Variants in C4BPA observed in about 807,000 individuals in gnomAD.
The protein encoded by C4BPA is C4b-binding protein alpha chain.
C4BPA carries 31 observed loss-of-function variants against 63.7 expected under a neutral mutation model. That is an observed-to-expected ratio of 0.49 (90% CI 0.37 to 0.66). C4BPA has a LOEUF of 0.66. C4BPA is among the 30% of genes least tolerant of loss of function. The pLI, the probability that C4BPA is intolerant of heterozygous loss-of-function variation, is 0.00. For synonymous variants in C4BPA, 259 were observed against 254.7 expected (o/e 1.02, Z -0.16); for missense variants, 572 against 723.3 (o/e 0.79, Z 2.40).
intron 8 of C4BPA, 87 bp downstream of exon 8, chr1:207,131,827 C>T (rs1685167556): frequency 2.2e-6 from 2 of 891,164 alleles, no homozygotes; most frequent in Non-Finnish European, 3.4e-6. Flanking sequence ...AATTTTATCC[C>T]TCACAACAAG....
intron 1 of C4BPA, among the ~76,000 whole-genome samples, chr1:207,106,880 C>A (rs191011937): frequency 3.3e-5 from 5 of 152,122 alleles, no homozygotes; most frequent in African/African-American, 1.2e-4. Context: ...TGATAATCTG[C>A]GTGATAAAAC....
intron 7 of C4BPA, among the ~76,000 whole-genome samples, chr1:207,129,345 G>A (rs1685113426): frequency 6.8e-6 from 1 of 147,504 alleles, no homozygotes; most frequent in Non-Finnish European, 1.5e-5. Flanking sequence ...CCAGAAAGAT[G>A]AGAGAAAGAG....
intron 4 of C4BPA, among the ~76,000 whole-genome samples, chr1:207,120,378 G>A (rs1255486332): frequency 2.6e-5 from 4 of 152,152 alleles, no homozygotes; most frequent in Admixed American, 6.6e-5. Context: ...ATTTAACTAG[G>A]CACCCTGTAT....
chr1:207,133,154 A>T (rs1328155487), intron 8 of C4BPA, among the ~76,000 whole-genome samples: 2 of 152,228 alleles, frequency 1.3e-5, no homozygotes, highest in Non-Finnish European at 2.9e-5. Context: ...GTGAATTTAG[A>T]CTCATGACTT....
chr1:207,114,864 A>C (rs1353737111), intron 3 of C4BPA: 1 of 153,388 alleles, frequency 6.5e-6, no homozygotes, highest in Non-Finnish European at 1.4e-5. Flanking sequence ...TTTCATTATG[A>C]TCTATTGAAA....
At chr1:207,123,414 GT>G (rs1019445291) in intron 4 of C4BPA, among the ~76,000 whole-genome samples, 4 of 151,976 alleles carry the variant, frequency 2.6e-5, no homozygotes, top group African/African-American at 9.7e-5. Context: ...CATATCTTTT[GT>G]TTTTTTCTGT....
Position 207,106,480 on chromosome 1 carries a change from C to A in C4BPA, c.-26+2050C>A, listed in dbSNP as rs576101495. 2.1e-5 allele frequency among the ~76,000 whole-genome samples: 3 copies of A among 141,162 alleles called. No homozygotes were observed. In the East Asian group the frequency reaches 5.9e-4, roughly 28 times the overall value. The allele number at this position is 141,162 out of a possible 152,430, so 92.6% of individuals were successfully genotyped here. ...TTTGAAACGGAGTCTCGCTTTGTTGCCCAGACTGGAGTGCGGTGGTGCAAT... is the reference window on the plus strand; with the variant it reads ...TTTGAAACGGAGTCTCGCTTTGTTGACCAGACTGGAGTGCGGTGGTGCAAT... On this transcript the variant is annotated intron_variant, in intron 1 of 11. Transcript: ENST00000367070.
intron 8 of C4BPA, among the ~76,000 whole-genome samples, chr1:207,132,159 A>G (rs1235117772): frequency 6.6e-6 from 1 of 152,156 alleles, no homozygotes; most frequent in Non-Finnish European, 1.5e-5. Context: ...CTGCAGGGTG[A>G]CTTGTGTCTC....
Position 207,113,110 on chromosome 1 carries a change from T to C in C4BPA, c.85T>C (p.Ser29Pro). 1.2e-6 allele frequency: 2 copies of C among 1,611,224 alleles called. No individual in the cohort carries two copies. Among genetic ancestry groups the C allele is most frequent in the Non-Finnish European group, 1.7e-6 (2 of 1,178,834 alleles). Residue 29 changes from serine to proline, a missense_variant, in exon 2 of 12, where the codon TCT becomes CCT. By Grantham distance (74) the Ser-to-Pro change is moderately conservative. This residue lies in a region of C4BPA where 107 missense variants were observed against 93.9 expected (regional missense o/e 1.14). Transcript: ENST00000367070. ...GCCCTTCTCCAGGCTGTGGAAAGTC[T>C]CTGATCCAATTCTCTTCCAAATGAC... ...AWPFSRLWKV[S>P]DPILFQMTLI...
chr1:207,120,368 A>G (rs1684897927), intron 4 of C4BPA, among the ~76,000 whole-genome samples: 1 of 152,234 alleles, frequency 6.6e-6, no homozygotes, highest in African/African-American at 2.4e-5. Context: ...TGAAATTCAC[A>G]TTTAACTAGG....
At chr1:207,139,572 C>T (rs960464875) in intron 9 of C4BPA, among the ~76,000 whole-genome samples, 1 of 152,126 alleles carries the variant, frequency 6.6e-6, no homozygotes, top group Non-Finnish European at 1.5e-5. Context: ...GGGGCTGGGC[C>T]AACTACCAAT....
chr1:207,126,119 T>C (rs1284098640), intron 6 of C4BPA, among the ~76,000 whole-genome samples: 1 of 151,984 alleles, frequency 6.6e-6, no homozygotes, highest in East Asian at 1.9e-4. Context: ...TGCTGGGTTA[T>C]GTATGACTGA....
At chr1:207,139,846 A>C (rs1487436804) in intron 9 of C4BPA, among the ~76,000 whole-genome samples, 2 of 152,184 alleles carry the variant, frequency 1.3e-5, no homozygotes, top group Non-Finnish European at 2.9e-5. Context: ...TCTTCAATTA[A>C]TGATTACCAG....
chr1:207,131,684 C>T lies in C4BPA; in HGVS notation c.1028C>T (p.Pro343Leu), dbSNP rs867312320. Reference sequence around the variant, plus strand: ...GGCTACAAACCCACTACAGATGAGCCTACGACTGTGATTTGTCAGAAAAAT... The same window carrying T: ...GGCTACAAACCCACTACAGATGAGCTTACGACTGTGATTTGTCAGAAAAAT... ...HPGYKPTTDE[P>L]TTVICQKNLR... Residue 343 changes from proline to leucine, a missense_variant, in exon 8 of 12, where the codon CCT (proline) becomes CTT (leucine). Pro to Leu is a moderately conservative substitution (Grantham distance 98, BLOSUM62 -3). Transcript: ENST00000367070. The T allele has an allele frequency of 9.3e-6, 15 of 1,613,878 alleles. No individual in the cohort carries two copies. The highest frequency in any genetic ancestry group is 3.3e-4 in the Middle Eastern group (2 of 6,058).
rs116810489 is a variant in C4BPA, at chr1:207,113,122, C to G, written c.97C>G (p.Leu33Val). The G allele has an allele frequency of 2.1e-3, 3,435 of 1,611,538 alleles. 77 individuals are homozygous for G. The African/African-American group carries it at 0.042, about 20-fold the overall frequency. Residue 33 changes from leucine (L) to valine (V), a missense_variant, in exon 2 of 12, where the codon CTC (leucine) becomes GTC (valine). By Grantham distance (32) the Leu-to-Val change is conservative. Transcript: ENST00000367070. ...GCTGTGGAAAGTCTCTGATCCAATTCTCTTCCAAATGACCTTGATCGCTGC... is the reference window on the plus strand; with the variant it reads ...GCTGTGGAAAGTCTCTGATCCAATTGTCTTCCAAATGACCTTGATCGCTGC... ...SRLWKVSDPI[L>V]FQMTLIAALL...
chr1:207,129,928 A>T (rs1685125934), intron 7 of C4BPA, among the ~76,000 whole-genome samples: 1 of 152,046 alleles, frequency 6.6e-6, no homozygotes, highest in Non-Finnish European at 1.5e-5. Flanking sequence ...ATCTGGTGTC[A>T]TTTCTGTACT....
Position 207,113,047 on chromosome 1 carries a change from T to C in C4BPA, c.22T>C (p.Ser8Pro). 1 of 1,607,894 alleles carries C rather than the reference T, an allele frequency of 6.2e-7. No homozygotes were observed. The highest frequency in any genetic ancestry group is 8.5e-7 in the Non-Finnish European group (1 of 1,177,994). ...GGCCATGCACCCCCCAAAAACTCCATCTGGGGCTCTTCATAGAAAAAGGAA... is the reference window on the plus strand; with the variant it reads ...GGCCATGCACCCCCCAAAAACTCCACCTGGGGCTCTTCATAGAAAAAGGAA... MHPPKTP[S>P]GALHRKRKMA... Residue 8 changes from serine to proline, a missense_variant, in exon 2 of 12, where the codon TCT (serine) becomes CCT (proline). Physicochemically the swap from Ser to Pro is moderately conservative, Grantham distance 74. Transcript: ENST00000367070.
chr1:207,141,302 A>G, intron 10 of C4BPA, 26 bp downstream of exon 10: 1 of 1,595,060 alleles, frequency 6.3e-7, no homozygotes, highest in Non-Finnish European at 8.6e-7. Flanking sequence ...TTTTCAGCTC[A>G]AGATTAAGTG....
At chr1:207,122,889 A>C (rs1684949482) in intron 4 of C4BPA, among the ~76,000 whole-genome samples, 1 of 152,186 alleles carries the variant, frequency 6.6e-6, no homozygotes, top group Non-Finnish European at 1.5e-5. Flanking sequence ...CAAATTTTTA[A>C]AAAGCTATTT....
Sources: gnomAD v4.1 joint callset for allele counts (sites outside exome capture counted in the v4.1 genomes callset) on GRCh38, gnomAD v4.1.1 for gene constraint, gnomAD v4.1.1 regional missense constraint, MANE v1.5 for transcripts, NCBI Gene and HGNC (gene_info 2026-07-23, HGNC 2026-07-21) for gene names.